WNK2: variants seen among roughly 807,000 people sequenced by gnomAD.
WNK2 encodes the protein WNK lysine deficient protein kinase 2.
A neutral mutation model predicts 192.1 loss-of-function variants in WNK2; 67 were observed. The observed-to-expected ratio is 0.35, with a 90% CI of 0.29 to 0.43. The LOEUF is 0.43. Among genes scored for constraint, WNK2 ranks in the 20% least tolerant of loss-of-function variants. WNK2 has a pLI of 1.00. For synonymous variants in WNK2, 1,439 were observed against 1,393.9 expected (o/e 1.03, Z -0.72); for missense variants, 2,698 against 3,089.7 (o/e 0.87, Z 3.01).
intron 18 of WNK2, 105 bp downstream of exon 18, chr9:93,268,170 C>T: frequency 6.8e-7 from 1 of 1,472,982 alleles, no homozygotes. Flanking sequence ...ATTATGGAAG[C>T]ATGTGGTGAC....
intron 2 of WNK2, among the ~76,000 whole-genome samples, chr9:93,200,535 C>T (rs1365357516): frequency 6.6e-6 from 1 of 152,244 alleles, no homozygotes; most frequent in African/African-American, 2.4e-5. Context: ...CTGCCATTGC[C>T]CAGTTCCTCA....
At chr9:93,297,793 C>G (rs1261594026) in intron 23 of WNK2, 60 bp from the exon 24 acceptor site, 3 of 1,492,068 alleles carry the variant, frequency 2.0e-6, no homozygotes, top group Admixed American at 2.0e-5. Context: ...CCTGGAGGAG[C>G]TGGCGGTGTT....
chr9:93,313,700 C>G (rs1343258758), intron 28 of WNK2, among the ~76,000 whole-genome samples: 1 of 152,072 alleles, frequency 6.6e-6, no homozygotes, highest in African/African-American at 2.4e-5. Flanking sequence ...AGTGCCTGGT[C>G]AAGGATAGTG....
intron 19 of WNK2, among the ~76,000 whole-genome samples, chr9:93,287,086 C>T (rs550877630): frequency 6.6e-6 from 1 of 152,326 alleles, no homozygotes; most frequent in Admixed American, 6.5e-5. Flanking sequence ...AGCTTTGCCA[C>T]ACAACATAGT....
Position 93,247,700 on chromosome 9 carries a change from C to T in WNK2, c.1700C>T (p.Pro567Leu), listed in dbSNP as rs559770581. Residue 567 changes from proline (P) to leucine (L), a missense_variant, in exon 8 of 30, where the codon CCG becomes CTG. Physicochemically the swap from Pro to Leu is moderately conservative, Grantham distance 98 (BLOSUM62 -3). Around this residue, in one of 7 missense-constraint regions of WNK2, gnomAD observed 893 missense variants for 909.0 expected, o/e 0.98. Transcript: ENST00000427277. The surrounding 1 kb of genome is among the most constrained non-coding windows in gnomAD (Gnocchi z 5.2). ...DVGSPDKARG[P>L]PVPLQVQVTY... Reference sequence around the variant, plus strand: ...GGCAGCCCGGACAAGGCCAGGGGTCCGCCGGTGCCCCTGCAGGTCCAGGTG... The same window carrying T: ...GGCAGCCCGGACAAGGCCAGGGGTCTGCCGGTGCCCCTGCAGGTCCAGGTG... 69 of 1,564,918 alleles carry T rather than the reference C, an allele frequency of 4.4e-5. 1 individual carries two copies. In the East Asian group the frequency reaches 5.0e-4, roughly 11 times the overall value.
intron 28 of WNK2, among the ~76,000 whole-genome samples, chr9:93,311,609 T>TGTTTGTGTGTGTGTGTG (rs1554755193): frequency 4.9e-4 from 15 of 30,710 alleles, no homozygotes; most frequent in African/African-American, 1.1e-3. Flanking sequence ...CTGGGTTTTT[T>TGTTTGTGTGTGTGTGTG]TGTTTGTGTG....
At chr9:93,260,817 G>A (rs934338362) in intron 12 of WNK2, among the ~76,000 whole-genome samples, 5 of 152,202 alleles carry the variant, frequency 3.3e-5, no homozygotes, top group Non-Finnish European at 5.9e-5. Context: ...CTCAGAGCCC[G>A]CTGGTTTGCA....
At chr9:93,294,242 G>A (rs1849872154) in intron 23 of WNK2, among the ~76,000 whole-genome samples, 1 of 152,196 alleles carries the variant, frequency 6.6e-6, no homozygotes, top group African/African-American at 2.4e-5. Flanking sequence ...CTGGCGGGGT[G>A]GTCAGTGCCA....
chr9:93,215,307 G>A (rs1023673866), intron 2 of WNK2, among the ~76,000 whole-genome samples: 3 of 151,888 alleles, frequency 2.0e-5, no homozygotes, highest in Admixed American at 6.6e-5. Flanking sequence ...AGACAGTTTC[G>A]TCATGTTGGC....
intron 2 of WNK2, among the ~76,000 whole-genome samples, chr9:93,222,601 C>T (rs1355694453): frequency 6.6e-6 from 1 of 152,176 alleles, no homozygotes; most frequent in African/African-American, 2.4e-5. Flanking sequence ...AGTCTAGGGG[C>T]ACATCAGCCT....
chr9:93,271,333 T>C (rs1424650847), intron 19 of WNK2, among the ~76,000 whole-genome samples: 1 of 152,220 alleles, frequency 6.6e-6, no homozygotes, highest in East Asian at 1.9e-4. Context: ...CCTAATGTCA[T>C]TGAAAATGTT....
In WNK2 at chr9:93,259,753, C is replaced by A; in HGVS notation, c.3066+139C>A. On this transcript the variant is annotated intron_variant, in intron 12 of 29. Coordinates refer to ENST00000427277, the MANE Select transcript of WNK2 (RefSeq NM_006648.4). The surrounding 1 kb of genome is among the most constrained non-coding windows in gnomAD (Gnocchi z 4.8). Reference sequence around the variant, plus strand: ...CTCTCAGGAAGAGATGTGTGTGAGGCTGAGGGAGGCGGGGGCTGGCGCCAG... The same window carrying A: ...CTCTCAGGAAGAGATGTGTGTGAGGATGAGGGAGGCGGGGGCTGGCGCCAG... 1.2e-6 allele frequency: 1 copy of A among 816,270 alleles called. No individual in the cohort carries two copies. The highest frequency in any genetic ancestry group is 1.9e-6 in the Non-Finnish European group (1 of 538,548). 50.6% of individuals were successfully genotyped at this position (816,270 alleles called of 1,614,324 possible).
intron 29 of WNK2, chr9:93,317,840 G>T: frequency 6.6e-7 from 1 of 1,515,304 alleles, no homozygotes; most frequent in Non-Finnish European, 8.9e-7. Flanking sequence ...CCCGGCTGCG[G>T]ATCACGTAGC....
chr9:93,299,225 G>A lies in WNK2; in HGVS notation c.6079G>A (p.Gly2027Ser), dbSNP rs748545366. The A allele has an allele frequency of 6.2e-5, 98 of 1,586,192 alleles. No homozygotes were observed. Among genetic ancestry groups the A allele is most frequent in the Non-Finnish European group, 7.5e-5 (87 of 1,161,020 alleles). Residue 2027 changes from glycine to serine, a missense_variant, in exon 25 of 30, where the codon GGC becomes AGC. By Grantham distance (56) the Gly-to-Ser change is moderately conservative. This residue lies in a region of WNK2 where 1,098 missense variants were observed against 1,101.0 expected (regional missense o/e 1.00). Coordinates refer to ENST00000427277, the MANE Select transcript of WNK2 (RefSeq NM_006648.4). Reference sequence around the variant, plus strand: ...CTCCCTGTCTTCGGACATCTGCTCCGGCTTAGCCAGTGATGGAGGCGGAGC... The same window carrying A: ...CTCCCTGTCTTCGGACATCTGCTCCAGCTTAGCCAGTGATGGAGGCGGAGC... Reference protein sequence around the residue: ...RASLSSDICSGLASDGGGARG... With the variant: ...RASLSSDICSSLASDGGGARG...
intron 2 of WNK2, among the ~76,000 whole-genome samples, chr9:93,202,034 C>T (rs111730656): frequency 0.017 from 2,605 of 152,300 alleles, 40 homozygotes; most frequent in Non-Finnish European, 0.021. Flanking sequence ...TTGCTGGCTG[C>T]GCTGGAGGTC....
intron 23 of WNK2, among the ~76,000 whole-genome samples, 191 bp from the exon 24 acceptor site, chr9:93,297,662 C>T (rs969065178): frequency 1.3e-5 from 2 of 152,260 alleles, no homozygotes; most frequent in African/African-American, 2.4e-5. Flanking sequence ...GGGACCTCCC[C>T]GTTTAGATAT....
intron 2 of WNK2, among the ~76,000 whole-genome samples, chr9:93,216,496 AT>A (rs1835765478): frequency 6.6e-6 from 1 of 151,954 alleles, no homozygotes; most frequent in Non-Finnish European, 1.5e-5. Flanking sequence ...AAATACTAAA[AT>A]TAGCTGGGTG....
At chr9:93,319,031 T>TAAGA (rs1855190162) in intron 29 of WNK2, 9 of 1,552,822 alleles carry the variant, frequency 5.8e-6, no homozygotes, top group Non-Finnish European at 7.8e-6. Context: ...GATGCTGTCG[T>TAAGA]AAGAGATTTC....
At chr9:93,299,941 G>A (rs1389656232) in intron 25 of WNK2, 110 bp from the exon 26 acceptor site, 11 of 835,842 alleles carry the variant, frequency 1.3e-5, no homozygotes, top group Admixed American at 3.9e-5. Flanking sequence ...AGATGGAGCC[G>A]TGGATGTTAA....
Sources: gnomAD v4.1 joint callset for allele counts (sites outside exome capture counted in the v4.1 genomes callset) on GRCh38, gnomAD v4.1.1 for gene constraint, gnomAD v4.1.1 regional missense constraint, Gnocchi (gnomAD v3.1) non-coding constraint, MANE v1.5 for transcripts, NCBI Gene and HGNC (gene_info 2026-07-23, HGNC 2026-07-21) for gene names.